RFFL: variants seen among roughly 807,000 people sequenced by gnomAD.
RFFL encodes E3 ubiquitin-protein ligase rififylin.
Under a neutral mutation model 40.4 loss-of-function variants are expected in RFFL, and 16 were observed. The observed-to-expected ratio is 0.40, with a 90% CI of 0.27 to 0.60. The LOEUF is 0.60. Ranked by LOEUF, RFFL falls within the 20% of genes least tolerant of loss-of-function variation. RFFL has a pLI of 0.47. For synonymous variants in RFFL, 154 were observed against 167.9 expected, an observed-to-expected ratio of 0.92 and a Z score of 0.64; for missense variants, 367 against 451.7, an observed-to-expected ratio of 0.81 and a Z score of 1.70.
At chr17:35,061,102 T>G (rs920769978) in intron 1 of RFFL, among the ~76,000 whole-genome samples, 1 of 151,980 alleles carries the variant, frequency 6.6e-6, no homozygotes, top group African/African-American at 2.4e-5. Context: ...ATGAGATGGT[T>G]AACAGCAACA....
At position 35,021,619 on chromosome 17, in the gene RFFL, G is replaced by C; in HGVS notation, c.343C>G (p.Leu115Val). The change falls in exon 3 of 7, where the codon CTC (leucine) becomes GTC (valine). Residue 115 changes from leucine (L) to valine (V), a missense_variant. Physicochemically the swap from Leu to Val is conservative, Grantham distance 32. Transcript: ENST00000394597. ...CACATTTCGGTAGAGATGTCATGGA[G>C]GCTGAGATAGTCCCTCAAGTCCTTC... ...KVKDLRDYLS[L>V]HDISTEMCRE... is the part of the protein sequence containing the mutation. The C allele has an allele frequency of 1.2e-6, 2 of 1,614,262 alleles. No homozygotes were observed. Among genetic ancestry groups the C allele is most frequent in the Non-Finnish European group, 1.7e-6 (2 of 1,180,050 alleles).
chr17:35,039,644 A>C (rs1435771413), intron 1 of RFFL, among the ~76,000 whole-genome samples: 2 of 151,490 alleles, frequency 1.3e-5, no homozygotes, highest in Admixed American at 6.6e-5. Context: ...TTTTTCTGTG[A>C]TCTCCTCTAA....
intron 1 of RFFL, among the ~76,000 whole-genome samples, chr17:35,043,092 T>C (rs1381001565): frequency 6.6e-6 from 1 of 152,184 alleles, no homozygotes. Flanking sequence ...AAATGCATAT[T>C]TCCTAGGTAA....
chr17:35,064,439 CTCAT>C (rs2091310352), upstream of RFFL, among the ~76,000 whole-genome samples: 1 of 151,518 alleles, frequency 6.6e-6, no homozygotes, highest in Non-Finnish European at 1.5e-5. Context: ...TATGTCAATT[CTCAT>C]TTATTAGCCT....
intron 1 of RFFL, among the ~76,000 whole-genome samples, chr17:35,070,368 A>T (rs967388140): frequency 2.6e-5 from 4 of 152,110 alleles, no homozygotes. Context: ...TGGGGTCTCA[A>T]TATGGTTCCC....
intron 1 of RFFL, among the ~76,000 whole-genome samples, chr17:35,078,343 TCCACAC>T (rs1004802131): frequency 4.6e-5 from 7 of 152,348 alleles, no homozygotes; most frequent in African/African-American, 1.7e-4. Flanking sequence ...CACTCTGTTG[TCCACAC>T]TAGAGTACAG....
At chr17:35,023,024 C>T (rs1001672684) in intron 2 of RFFL, among the ~76,000 whole-genome samples, 20 of 152,180 alleles carry the variant, frequency 1.3e-4, no homozygotes, top group African/African-American at 3.4e-4. Context: ...CAGTGACATC[C>T]GGCTGAGCTC....
intron 1 of RFFL, 109 bp from the exon 2 acceptor site, chr17:35,026,670 C>G (rs989601697): frequency 2.5e-6 from 2 of 808,400 alleles, no homozygotes; most frequent in African/African-American, 3.6e-5. Flanking sequence ...ACGCATGCCA[C>G]CAAGGTGGAG....
At chr17:35,067,907 A>G (rs180871631), upstream of RFFL, among the ~76,000 whole-genome samples, 7 of 152,354 alleles carry the variant, frequency 4.6e-5, no homozygotes, top group African/African-American at 1.4e-4. Flanking sequence ...GGTCCTAAAC[A>G]TAAGTCCGCT....
intron 1 of RFFL, among the ~76,000 whole-genome samples, chr17:35,051,422 T>G (rs1688039649): frequency 6.6e-6 from 1 of 152,208 alleles, no homozygotes; most frequent in East Asian, 1.9e-4. Flanking sequence ...CGCTGTACCC[T>G]AGACCTTCAA....
At chr17:35,039,676 G>A (rs2091150093) in intron 1 of RFFL, among the ~76,000 whole-genome samples, 1 of 150,568 alleles carries the variant, frequency 6.6e-6, no homozygotes, top group African/African-American at 2.4e-5. Context: ...CCAAATATTT[G>A]ACTCCACTTT....
chr17:35,075,986 C>CTTTTTTTTTT (rs35996071), intron 1 of RFFL, among the ~76,000 whole-genome samples: 2 of 80,024 alleles, frequency 2.5e-5, no homozygotes, highest in East Asian at 3.9e-4. Flanking sequence ...TCAATTTATT[C>CTTTTTTTTTT]TTTTTTTTTT....
intron 1 of RFFL, among the ~76,000 whole-genome samples, chr17:35,040,294 C>T (rs530564204): frequency 6.6e-6 from 1 of 152,152 alleles, no homozygotes; most frequent in South Asian, 2.1e-4. Context: ...CCAACCACAC[C>T]TCAGGTTGCT....
At chr17:35,061,421 G>A (rs2091290256) in intron 1 of RFFL, among the ~76,000 whole-genome samples, 1 of 152,160 alleles carries the variant, frequency 6.6e-6, no homozygotes, top group African/African-American at 2.4e-5. Context: ...CTCTGATGGT[G>A]CCTAAAAGTA....
intron 1 of RFFL, among the ~76,000 whole-genome samples, chr17:35,058,253 C>T (rs530293940): frequency 6.6e-6 from 1 of 151,998 alleles, no homozygotes; most frequent in East Asian, 1.9e-4. Flanking sequence ...CTGATAGTTA[C>T]CTGAAAGAAA....
intron 1 of RFFL, among the ~76,000 whole-genome samples, chr17:35,052,689 T>C (rs764253049): frequency 3.3e-5 from 5 of 152,182 alleles, no homozygotes; most frequent in Non-Finnish European, 7.4e-5. Context: ...ATCCAATAGA[T>C]ATTGAATGCC....
chr17:35,076,192 C>T (rs1288677124), intron 1 of RFFL, among the ~76,000 whole-genome samples: 4 of 151,470 alleles, frequency 2.6e-5, no homozygotes, highest in Non-Finnish European at 5.9e-5. Context: ...TGGAGTTTCA[C>T]CATATTGGCC....
intron 6 of RFFL, among the ~76,000 whole-genome samples, chr17:35,013,890 G>A (rs1170284703): frequency 6.6e-6 from 1 of 152,084 alleles, no homozygotes; most frequent in African/African-American, 2.4e-5. Context: ...AAATGGTTTT[G>A]GGGAATTGAG....
At chr17:35,019,615 C>T (rs1472979577) in intron 3 of RFFL, among the ~76,000 whole-genome samples, 2 of 151,830 alleles carry the variant, frequency 1.3e-5, no homozygotes, top group Non-Finnish European at 2.9e-5. Context: ...TCAAATGATC[C>T]GCCTGCCTCA....
Sources: gnomAD v4.1 joint callset for allele counts (sites outside exome capture counted in the v4.1 genomes callset) on GRCh38, gnomAD v4.1.1 for gene constraint, MANE v1.5 for transcripts, NCBI Gene and HGNC (gene_info 2026-07-23, HGNC 2026-07-21) for gene names.